LY75: variants seen among roughly 807,000 people sequenced by gnomAD.
LY75 encodes the protein C-type lectin domain family 13 member B.
In LY75, 185 loss-of-function variants were observed where a neutral mutation model predicts 231.7. The observed-to-expected ratio is 0.80, with a 90% CI of 0.71 to 0.90. The LOEUF (loss-of-function observed/expected upper bound fraction) is 0.90. Ranked by LOEUF, LY75 falls within the 40% of genes least tolerant of loss-of-function variation. The probability of loss-of-function intolerance (pLI) is 0.00; values close to 1 mark genes in which losing one functional copy is unlikely to be tolerated. For synonymous variants in LY75, 668 were observed against 689.0 expected (o/e 0.97, Z 0.48); for missense variants, 1,947 against 2,050.2 (o/e 0.95, Z 0.97).
At position 159,807,090 on chromosome 2, in the gene LY75, C is replaced by T. The variant is rs1313523760; in HGVS notation, c.4873G>A (p.Glu1625Lys). The part of the protein sequence containing the change: ...DGSEVTFVKW[E>K]NKSKSGVGRC... ...CCAACACCACTCTTACTTTTATTTT[C>T]CCATTTGACAAATGTCACTTCTGAT... is the stretch of plus-strand genomic sequence containing the variant. The change falls in exon 34 of 35, where the codon GAA becomes AAA. Residue 1625 changes from glutamate (E) to lysine (K), a missense_variant. Glu to Lys is a moderately conservative substitution (Grantham distance 56). Coordinates refer to ENST00000263636, the MANE Select transcript of LY75 (RefSeq NM_002349.4). 8.7e-6 allele frequency: 14 copies of T among 1,613,966 alleles called. No individual in the cohort carries two copies. The highest frequency in any genetic ancestry group is 6.7e-5 in the East Asian group (3 of 44,862).
intron 3 of LY75, among the ~76,000 whole-genome samples, chr2:159,892,746 G>A (rs1477937274): frequency 6.6e-6 from 1 of 152,154 alleles, no homozygotes; most frequent in Non-Finnish European, 1.5e-5. Flanking sequence ...ATAATGATGT[G>A]ATTGCTACTT....
chr2:159,831,831 A>AGAAGT, intron 27 of LY75, 45 bp from the exon 28 acceptor site: 1 of 1,499,734 alleles, frequency 6.7e-7, no homozygotes, highest in Non-Finnish European at 9.1e-7. Flanking sequence ...TTACTTATCT[A>AGAAGT]GTACACTTCT....
intron 23 of LY75, among the ~76,000 whole-genome samples, chr2:159,848,726 G>C (rs1207282221): frequency 2.0e-5 from 3 of 152,152 alleles, no homozygotes; most frequent in Admixed American, 2.0e-4. Flanking sequence ...TAATTCCCTA[G>C]TCTAGGGCTC....
At chr2:159,844,211 G>A (rs1030610683) in intron 23 of LY75, among the ~76,000 whole-genome samples, 11 of 151,206 alleles carry the variant, frequency 7.3e-5, no homozygotes, top group African/African-American at 2.7e-4. Context: ...CAAATATAAT[G>A]CAGAATAGTA....
chr2:159,828,723 A>G (rs1352836306), intron 28 of LY75, among the ~76,000 whole-genome samples: 2 of 152,226 alleles, frequency 1.3e-5, no homozygotes, highest in African/African-American at 2.4e-5. Flanking sequence ...AAAATGGTTT[A>G]AAATTTAGGT....
intron 26 of LY75, 28 bp from the exon 27 acceptor site, chr2:159,834,239 C>G (rs771788332): frequency 6.2e-7 from 1 of 1,610,592 alleles, no homozygotes; most frequent in South Asian, 1.1e-5. Flanking sequence ...GGTAAGAATT[C>G]TAATTTGAGA....
At chr2:159,842,520 T>C (rs1431647165) in intron 23 of LY75, 146 bp from the exon 24 acceptor site, 9 of 1,116,656 alleles carry the variant, frequency 8.1e-6, no homozygotes. Flanking sequence ...TAGAAAATCT[T>C]TAAAAACTTT....
Position 159,834,091 on chromosome 2 carries a change from T to A in LY75, c.3794A>T (p.His1265Leu). The A allele has an allele frequency of 1.2e-6, 2 of 1,614,036 alleles. No individual in the cohort carries two copies. The highest frequency in any genetic ancestry group is 1.1e-5 in the South Asian group (1 of 91,080). Residue 1265 changes from histidine (H) to leucine (L), a missense_variant, in exon 27 of 35, where the codon CAT (histidine) becomes CTT (leucine). Transcript: ENST00000263636. Reference protein sequence around the residue: ...CYNFIITKNRHMATTQDEVHT... With the variant: ...CYNFIITKNRLMATTQDEVHT... ...AACTTCATCCTGTGTTGTTGCCATATGCCTATTCTTTGTTATTATGAAATT... is the reference window on the plus strand; with the variant it reads ...AACTTCATCCTGTGTTGTTGCCATAAGCCTATTCTTTGTTATTATGAAATT...
rs1360669808 is a variant in LY75, at chr2:159,816,966, C to G, written c.4220G>C (p.Ser1407Thr). Residue 1407 changes from serine (S) to threonine (T), a missense_variant, in exon 30 of 35, where the codon AGT becomes ACT. Physicochemically the swap from Ser to Thr is moderately conservative, Grantham distance 58 (BLOSUM62 1). Coordinates refer to ENST00000263636, the MANE Select transcript of LY75 (RefSeq NM_002349.4). ...CCATGTTACCTTTTTTTGAATAACA[C>G]TGTAAATACCATCTTCATATGGCAT... The part of the protein sequence containing the change: ...QFMPYEDGIY[S>T]VIQKKVTWYE... 2.5e-6 allele frequency: 4 copies of G among 1,614,138 alleles called. No individual in the cohort carries two copies. Among genetic ancestry groups the G allele is most frequent in the Non-Finnish European group, 3.4e-6 (4 of 1,180,012 alleles).
intron 1 of LY75, chr2:159,902,726 A>G (rs1321189360): frequency 6.6e-6 from 1 of 152,246 alleles, no homozygotes; most frequent in Non-Finnish European, 1.5e-5. Flanking sequence ...ACAGGTCCTG[A>G]AGTGACAGTT....
intron 34 of LY75, among the ~76,000 whole-genome samples, chr2:159,805,710 C>T (rs1339752848): frequency 1.3e-5 from 2 of 152,204 alleles, no homozygotes; most frequent in African/African-American, 4.8e-5. Context: ...CTGCATACTG[C>T]CCAGATGGAT....
intron 25 of LY75, among the ~76,000 whole-genome samples, chr2:159,836,320 C>T (rs1683825792): frequency 6.6e-6 from 1 of 152,314 alleles, no homozygotes; most frequent in East Asian, 1.9e-4. Flanking sequence ...CTGAACTCTT[C>T]AGGCGCTGTG....
intron 13 of LY75, among the ~76,000 whole-genome samples, chr2:159,869,043 G>A (rs1477530727): frequency 6.6e-6 from 1 of 152,004 alleles, no homozygotes; most frequent in Non-Finnish European, 1.5e-5. Flanking sequence ...GCAAACTATC[G>A]CAAGGACAGA....
chr2:159,831,202 G>T (rs117733189), intron 28 of LY75, among the ~76,000 whole-genome samples: 5 of 152,062 alleles, frequency 3.3e-5, no homozygotes, highest in African/African-American at 7.2e-5. Context: ...TGCTGTTCTC[G>T]TGATAGTGAG....
At chr2:159,840,494 C>A (rs1683988471) in intron 25 of LY75, among the ~76,000 whole-genome samples, 1 of 152,092 alleles carries the variant, frequency 6.6e-6, no homozygotes, top group Admixed American at 6.6e-5. Context: ...ATCGCTTGAG[C>A]CCGGGAGGTC....
At chr2:159,825,661 A>G (rs1574532848) in intron 28 of LY75, among the ~76,000 whole-genome samples, 1 of 151,988 alleles carries the variant, frequency 6.6e-6, no homozygotes. Flanking sequence ...ACAAAAAAAG[A>G]AAATTTCAGG....
At chr2:159,844,745 G>T (rs1157734996) in intron 23 of LY75, among the ~76,000 whole-genome samples, 1 of 149,348 alleles carries the variant, frequency 6.7e-6, no homozygotes, top group Non-Finnish European at 1.5e-5. Flanking sequence ...TCAAACAATA[G>T]CTTCCCCACA....
In LY75 at chr2:159,806,959, G is replaced by A. The variant is rs1166819416; in HGVS notation, c.4990+14C>T. ...TTCTGCAAAAAGTCTCCTAAGGACA[G>A]GTTCCATACTTACCCAGAGGCACTT... On this transcript the variant is annotated intron_variant, in intron 34 of 34. Coordinates refer to ENST00000263636, the MANE Select transcript of LY75 (RefSeq NM_002349.4). 1 of 1,607,496 alleles carries A rather than the reference G, an allele frequency of 6.2e-7. No homozygotes were observed. The highest frequency in any genetic ancestry group is 8.5e-7 in the Non-Finnish European group (1 of 1,176,574).
chr2:159,890,358 ATT>A lies in LY75; in HGVS notation c.655_656del (p.Asn219LeufsTer14), dbSNP rs1201165035. On this transcript the variant is annotated frameshift_variant, in exon 4 of 35. Coordinates refer to ENST00000263636, the MANE Select transcript of LY75 (RefSeq NM_002349.4). LOFTEE classifies it high-confidence loss of function. Reference sequence around the variant, plus strand: ...TTCCAAACTGCTCGTTCTTTTCCCAATTATCTTCACAACCGTTTTCTGTTGAT... The same window carrying A: ...TTCCAAACTGCTCGTTCTTTTCCCAAATCTTCACAACCGTTTTCTGTTGAT... ...CLKPENGCEDNWEKNEQFGSC... is the reference protein window; with the variant it reads ...CLKPENGCEDXWEKNEQFGSC... The A allele has an allele frequency of 3.1e-6, 5 of 1,613,080 alleles. No homozygotes were observed. The highest frequency in any genetic ancestry group is 4.2e-6 in the Non-Finnish European group (5 of 1,179,598).
Sources: gnomAD v4.1 joint callset for allele counts (sites outside exome capture counted in the v4.1 genomes callset) on GRCh38, gnomAD v4.1.1 for gene constraint, MANE v1.5 for transcripts, NCBI Gene and HGNC (gene_info 2026-07-23, HGNC 2026-07-21) for gene names.